Variants in MGA observed in about 807,000 individuals in gnomAD.
The protein encoded by MGA is MAX gene-associated protein.
A neutral mutation model predicts 261.1 loss-of-function variants in MGA; 40 were observed. That is an observed-to-expected ratio of 0.15 (90% CI 0.12 to 0.20). The LOEUF is 0.20. Ranked by LOEUF, MGA falls within the 10% of genes least tolerant of loss-of-function variation. MGA has a pLI of 1.00. For synonymous variants in MGA, 1,302 were observed against 1,290.6 expected, an observed-to-expected ratio of 1.01 and a Z score of -0.19; for missense variants, 3,397 against 3,630.5, an observed-to-expected ratio of 0.94 and a Z score of 1.65.
intron 2 of MGA, among the ~76,000 whole-genome samples, chr15:41,694,448 G>C (rs572655885): frequency 6.6e-6 from 1 of 152,128 alleles, no homozygotes; most frequent in East Asian, 1.9e-4. Context: ...TTGTGTAAAT[G>C]CTGTTTTCTT....
At chr15:41,722,514 G>A (rs2061003832) in intron 9 of MGA, among the ~76,000 whole-genome samples, 1 of 152,158 alleles carries the variant, frequency 6.6e-6, no homozygotes, top group Non-Finnish European at 1.5e-5. Context: ...TATCATTTAA[G>A]TGCCTTTTTT....
chr15:41,769,502 G>C lies in MGA; in HGVS notation c.*2222G>C, dbSNP rs1446542666. 2 of 151,954 alleles carry C rather than the reference G, an allele frequency of 1.3e-5. No individual in the cohort carries two copies. The highest frequency in any genetic ancestry group is 4.8e-5 in the African/African-American group (2 of 41,344). The allele number at this position is 151,954 out of a possible 1,614,324, so 9.4% of individuals were successfully genotyped here. ...ACCTCTTAGAACTAGGTGTTGTCAG[G>C]GATAATTTGAGGAGGGCTTAGTCTT... On this transcript the variant is annotated 3_prime_UTR_variant, in exon 24 of 24. Coordinates refer to ENST00000219905, the MANE Select transcript of MGA (RefSeq NM_001164273.2).
intron 22 of MGA, among the ~76,000 whole-genome samples, chr15:41,762,726 C>T (rs898928078): frequency 2.6e-5 from 4 of 151,988 alleles, no homozygotes; most frequent in Non-Finnish European, 1.5e-5. Context: ...GCCTTGGCCT[C>T]CCAAAGTGCT....
At chr15:41,632,032 AC>A (rs1286245107) in intron 1 of MGA, among the ~76,000 whole-genome samples, 1 of 152,136 alleles carries the variant, frequency 6.6e-6, no homozygotes, top group Admixed American at 6.5e-5. Context: ...TCAAGTTGAG[AC>A]AAGTTCAGAC....
chr15:41,656,369 T>TC (rs1177980533), upstream of MGA, among the ~76,000 whole-genome samples: 4 of 128,950 alleles, frequency 3.1e-5, no homozygotes, highest in Non-Finnish European at 5.5e-5. Context: ...TCTCTCTCTC[T>TC]CTCTCTCTCA....
intron 1 of MGA, among the ~76,000 whole-genome samples, chr15:41,660,863 C>A (rs543634342): frequency 6.6e-6 from 1 of 152,310 alleles, no homozygotes; most frequent in Middle Eastern, 3.4e-3. Flanking sequence ...TGTGGGGTGC[C>A]GCTCCGCGTG....
chr15:41,682,546 T>A (rs1218043378), intron 2 of MGA, among the ~76,000 whole-genome samples: 1 of 152,178 alleles, frequency 6.6e-6, no homozygotes, highest in African/African-American at 2.4e-5. Context: ...AGTGGTGTGA[T>A]CTTGGCTCAC....
chr15:41,678,459 C>T (rs996614781), intron 2 of MGA, among the ~76,000 whole-genome samples: 1 of 151,346 alleles, frequency 6.6e-6, no homozygotes, highest in African/African-American at 2.4e-5. Flanking sequence ...AGTTTCCCGT[C>T]ACCATTCATT....
Position 41,740,131 on chromosome 15 carries a change from T to A in MGA, c.4513T>A (p.Ser1505Thr). Residue 1505 changes from serine to threonine, a missense_variant, in exon 14 of 24, where the codon TCC becomes ACC. Coordinates refer to ENST00000219905, the MANE Select transcript of MGA (RefSeq NM_001164273.2). ...TTCAACATCCAATTCCAAAATGGCA[T>A]CCTCCTCTGGCACTGCAACAAATCG... 1 of 1,613,932 alleles carries A rather than the reference T, an allele frequency of 6.2e-7. No homozygotes were observed. The highest frequency in any genetic ancestry group is 8.5e-7 in the Non-Finnish European group (1 of 1,179,898).
chr15:41,682,491 A>T (rs915205166), intron 2 of MGA, among the ~76,000 whole-genome samples: 10 of 151,244 alleles, frequency 6.6e-5, no homozygotes, highest in Admixed American at 1.3e-4. Flanking sequence ...TTATTTATTT[A>T]TTTTTTTGAG....
At chr15:41,738,258 G>A (rs1291830465) in intron 13 of MGA, among the ~76,000 whole-genome samples, 9 of 151,912 alleles carry the variant, frequency 5.9e-5, no homozygotes, top group African/African-American at 2.2e-4. Context: ...AATTAGCCGG[G>A]CATGGTGGCG....
Position 41,669,247 on chromosome 15 carries a change from A to C in MGA, c.353A>C (p.Asn118Thr), listed in dbSNP as rs1336227125. The change falls in exon 2 of 24, where the codon AAT becomes ACT. Residue 118 changes from asparagine (N) to threonine (T), a missense_variant. This residue lies in a region of MGA where 104 missense variants were observed against 212.9 expected (regional missense o/e 0.49). Transcript: ENST00000219905. ...TATTGGATAACAGGTTTAGATTCAA[A>C]TTTGAAGTATATTCTTGTCATGGAT... 1 of 1,614,018 alleles carries C rather than the reference A, an allele frequency of 6.2e-7. No individual in the cohort carries two copies. The highest frequency in any genetic ancestry group is 8.5e-7 in the Non-Finnish European group (1 of 1,179,892).
At chr15:41,764,403 GC>G (rs1198437656) in intron 22 of MGA, among the ~76,000 whole-genome samples, 5 of 151,768 alleles carry the variant, frequency 3.3e-5, no homozygotes, top group African/African-American at 4.8e-5. Flanking sequence ...ACAGGCGCCC[GC>G]CACCACGCCT....
chr15:41,648,806 T>G (rs1348025233), intron 1 of MGA, among the ~76,000 whole-genome samples: 1 of 152,090 alleles, frequency 6.6e-6, no homozygotes, highest in Non-Finnish European at 1.5e-5. Context: ...GGGAAGCTAA[T>G]GGAAGGTTAA....
intron 18 of MGA, 110 bp from the exon 19 acceptor site, chr15:41,757,678 C>T: frequency 1.3e-6 from 1 of 773,938 alleles, no homozygotes. Context: ...TATATCACAC[C>T]TTGGGAAAAA....
chr15:41,727,302 C>G lies in MGA; in HGVS notation c.3553C>G (p.Pro1185Ala), dbSNP rs767993286. ...GCCTTCTGTCATTGAGCCTATGAAA[C>G]CATTGTTATTGCCTCAGCCAGAAGT... The change falls in exon 10 of 24, where the codon CCA becomes GCA. Residue 1185 changes from proline to alanine, a missense_variant. By Grantham distance (27) the Pro-to-Ala change is conservative. This residue lies in a region of MGA where 519 missense variants were observed against 554.1 expected (regional missense o/e 0.94). Transcript: ENST00000219905. 8.1e-6 allele frequency: 13 copies of G among 1,613,790 alleles called. No individual in the cohort carries two copies. The highest frequency in any genetic ancestry group is 5.0e-5 in the Admixed American group (3 of 59,996).
At chr15:41,671,743 A>G (rs1478794431) in intron 2 of MGA, among the ~76,000 whole-genome samples, 1 of 152,190 alleles carries the variant, frequency 6.6e-6, no homozygotes. Flanking sequence ...ACTAACAGCT[A>G]CTATTTTTTG....
At chr15:41,663,354 G>T (rs2057527951) in intron 1 of MGA, among the ~76,000 whole-genome samples, 2 of 152,124 alleles carry the variant, frequency 1.3e-5, no homozygotes, top group Admixed American at 1.3e-4. Flanking sequence ...GTTTTTGAAT[G>T]TTAAGGTATA....
At chr15:41,674,620 A>G (rs996992548) in intron 2 of MGA, among the ~76,000 whole-genome samples, 3 of 152,106 alleles carry the variant, frequency 2.0e-5, no homozygotes, top group African/African-American at 7.2e-5. Context: ...CCTGGGTTCA[A>G]GTGATTCTCC....
Sources: gnomAD v4.1 joint callset for allele counts (sites outside exome capture counted in the v4.1 genomes callset) on GRCh38, gnomAD v4.1.1 for gene constraint, gnomAD v4.1.1 regional missense constraint, MANE v1.5 for transcripts, NCBI Gene and HGNC (gene_info 2026-07-23, HGNC 2026-07-21) for gene names.